Variants in POTEG observed in about 807,000 individuals in gnomAD.
POTEG encodes the protein POTE ankyrin domain family member G, also known as ANKRD26-like family C member 2.
A neutral mutation model predicts 49.6 loss-of-function variants in POTEG; 2 were observed. That is an observed-to-expected ratio of 0.04 (90% CI 0.02 to 0.13). The LOEUF (loss-of-function observed/expected upper bound fraction) is 0.13. Ranked by LOEUF, POTEG falls within the 10% of genes least tolerant of loss-of-function variation. POTEG has a pLI of 1.00. For missense variants in POTEG, 26 were observed against 545.2 expected (o/e 0.05, Z 9.48); for synonymous variants, 7 against 186.6 (o/e 0.04, Z 7.84).
intron 1 of POTEG, among the ~76,000 whole-genome samples, chr14:19,432,302 C>T (rs1392497766): frequency 3.5e-4 from 29 of 83,970 alleles, no homozygotes; most frequent in Admixed American, 6.7e-4. Context: ...GAGCCGAGAT[C>T]GCACCACTGC....
At chr14:19,432,384 A>ATACACATG (rs1884173741) in intron 1 of POTEG, among the ~76,000 whole-genome samples, 2 of 66,394 alleles carry the variant, frequency 3.0e-5, no homozygotes, top group Non-Finnish European at 7.5e-5. Flanking sequence ...ATATATATAT[A>ATACACATG]TATATATATA....
chr14:19,432,403 T>TAC (rs1555310381), intron 1 of POTEG, among the ~76,000 whole-genome samples: 1,087 of 44,202 alleles, frequency 0.025, 39 homozygotes, highest in South Asian at 0.044. Context: ...TATATATATA[T>TAC]ACACACACAT....
intron 7 of POTEG, among the ~76,000 whole-genome samples, chr14:19,415,482 T>G (rs1234784218): frequency 5.4e-5 from 8 of 147,544 alleles, no homozygotes; most frequent in Admixed American, 4.0e-4. Flanking sequence ...TGGCCATGAT[T>G]ACTCTTTAAC....
At chr14:19,426,339 G>A (rs560156042) in intron 3 of POTEG, among the ~76,000 whole-genome samples, 1 of 144,270 alleles carries the variant, frequency 6.9e-6, no homozygotes, top group East Asian at 2.0e-4. Flanking sequence ...ATAACTCCAT[G>A]GTTTTAAGTG....
intron 1 of POTEG, among the ~76,000 whole-genome samples, chr14:19,432,366 G>GTA (rs58599371): frequency 0.045 from 1,673 of 37,520 alleles, 11 homozygotes; most frequent in Non-Finnish European, 0.047. Context: ...AAGAAATTTT[G>GTA]TATATATATA....
At chr14:19,430,454 A>AGGGCAGTTAAGGGT (rs1188134909) in intron 1 of POTEG, among the ~76,000 whole-genome samples, 2 of 89,322 alleles carry the variant, frequency 2.2e-5, no homozygotes, top group African/African-American at 8.4e-5. Context: ...CATTTTCAAA[A>AGGGCAGTTAAGGGT]GGGCAGTTAA....
chr14:19,414,821 C>A (rs1464892219), intron 7 of POTEG, among the ~76,000 whole-genome samples: 4 of 138,276 alleles, frequency 2.9e-5, no homozygotes, highest in African/African-American at 1.0e-4. Flanking sequence ...ACATCACTGG[C>A]TTCTAACATG....
intron 1 of POTEG, among the ~76,000 whole-genome samples, chr14:19,432,690 C>T (rs1374835345): frequency 2.6e-5 from 2 of 76,040 alleles, no homozygotes; most frequent in Non-Finnish European, 2.5e-5. Flanking sequence ...ACATATATTT[C>T]GGTATTTCTA....
chr14:19,415,913 C>T (rs1421621810), intron 7 of POTEG, among the ~76,000 whole-genome samples: 10 of 134,612 alleles, frequency 7.4e-5, no homozygotes, highest in South Asian at 2.4e-4. Context: ...TGGCAGATCT[C>T]GGCTCACTGC....
At position 19,426,475 on chromosome 14, in the gene POTEG, T is replaced by C. The variant is rs1424277905; in HGVS notation, c.811-763A>G. On this transcript the variant is annotated intron_variant, in intron 3 of 10. Transcript: ENST00000547848. ...TTTGCTTAATTCCAATTGAGAAAACTCTGCTCTTAATGACTTACTGACCTA... is the reference window on the plus strand; with the variant it reads ...TTTGCTTAATTCCAATTGAGAAAACCCTGCTCTTAATGACTTACTGACCTA... 1.6e-4 allele frequency among the ~76,000 whole-genome samples: 24 copies of C among 151,822 alleles called. No homozygotes were observed. The East Asian group carries it at 1.6e-3, about 10-fold the overall frequency.
At chr14:19,415,068 C>T (rs1286007881) in intron 7 of POTEG, among the ~76,000 whole-genome samples, 1 of 145,692 alleles carries the variant, frequency 6.9e-6, no homozygotes, top group Non-Finnish European at 1.5e-5. Context: ...AGATTCCTAA[C>T]TGGATTGTAG....
intron 9 of POTEG, among the ~76,000 whole-genome samples, chr14:19,409,000 TAAAG>T (rs1883369335): frequency 7.6e-6 from 1 of 130,828 alleles, no homozygotes; most frequent in Non-Finnish European, 1.7e-5. Context: ...AATATTAACA[TAAAG>T]AATGTAGATT....
intron 1 of POTEG, among the ~76,000 whole-genome samples, chr14:19,432,361 ATT>A (rs1566383020): frequency 2.6e-5 from 1 of 38,886 alleles, no homozygotes; most frequent in African/African-American, 8.4e-5. Context: ...AAAAAAAGAA[ATT>A]TTGTATATAT....
intron 7 of POTEG, among the ~76,000 whole-genome samples, chr14:19,415,456 G>A (rs1221025847): frequency 6.8e-6 from 1 of 146,506 alleles, no homozygotes; most frequent in Non-Finnish European, 1.5e-5. Flanking sequence ...ATATAAAACT[G>A]CAGATTTTCA....
intron 7 of POTEG, among the ~76,000 whole-genome samples, chr14:19,415,041 T>TG (rs1472199386): frequency 6.9e-6 from 1 of 145,548 alleles, no homozygotes; most frequent in African/African-American, 2.5e-5. Context: ...CACAGTGCAC[T>TG]GAAGTGCTTT....
chr14:19,424,517 A>G, intron 4 of POTEG: 2 of 225,474 alleles, frequency 8.9e-6, no homozygotes, highest in Non-Finnish European at 6.9e-6. Flanking sequence ...TCAGTGGGGT[A>G]TTGCATAGCA....
At chr14:19,430,835 A>T (rs1884106736) in intron 1 of POTEG, among the ~76,000 whole-genome samples, 2 of 146,682 alleles carry the variant, frequency 1.4e-5, no homozygotes, top group African/African-American at 2.5e-5. Context: ...AAAATGATTA[A>T]TTCATACTTT....
intron 7 of POTEG, among the ~76,000 whole-genome samples, chr14:19,415,671 A>C (rs1883527324): frequency 6.6e-6 from 1 of 151,544 alleles, no homozygotes; most frequent in African/African-American, 2.4e-5. Context: ...CTATAAGCTA[A>C]TCAAGAAGGC....
rs745580104 is a variant in POTEG, at chr14:19,434,040, C to T, written c.250G>A (p.Gly84Arg). 4 of 1,444,368 alleles carry T rather than the reference C, an allele frequency of 2.8e-6. No individual in the cohort carries two copies. Among genetic ancestry groups the T allele is most frequent in the South Asian group, 2.8e-5 (2 of 70,822 alleles). 89.5% of individuals were successfully genotyped at this position (1,444,368 alleles called of 1,614,324 possible). ...TTCATAGCAGAGTCGTCGTGGTCTC[C>T]AGAAGTGCCCACGTTGCTCTTGCTG... ...GSSKSNVGTS[G>R]DHDDSAMKTL... Residue 84 changes from glycine to arginine, a missense_variant, in exon 1 of 11, where the codon GGA becomes AGA. Physicochemically the swap from Gly to Arg is moderately radical, Grantham distance 125. Transcript: ENST00000547848.
Sources: gnomAD v4.1 joint callset for allele counts (sites outside exome capture counted in the v4.1 genomes callset) on GRCh38, gnomAD v4.1.1 for gene constraint, MANE v1.5 for transcripts, NCBI Gene and HGNC (gene_info 2026-07-23, HGNC 2026-07-21) for gene names.